SNTB2: variants seen among roughly 807,000 people sequenced by gnomAD.
The protein encoded by SNTB2 is syntrophin beta 2.
A neutral mutation model predicts 46.2 loss-of-function variants in SNTB2; 34 were observed. The observed-to-expected ratio is 0.74, with a 90% CI of 0.56 to 0.98. The LOEUF is 0.98. Ranked by LOEUF, SNTB2 falls within the 50% of genes least tolerant of loss-of-function variation. The pLI, the probability that SNTB2 is intolerant of heterozygous loss-of-function variation, is 0.00. For missense variants in SNTB2, 603 were observed against 731.4 expected (o/e 0.82, Z 2.02); for synonymous variants, 290 against 312.6 (o/e 0.93, Z 0.76).
Position 69,301,014 on chromosome 16 carries a change from C to T in SNTB2, c.*90C>T. 2 of 802,488 alleles carry T rather than the reference C, an allele frequency of 2.5e-6. No individual in the cohort carries two copies. The highest frequency in any genetic ancestry group is 4.1e-6 in the Non-Finnish European group (2 of 485,290). 49.7% of individuals were successfully genotyped at this position (802,488 alleles called of 1,614,324 possible). ...AGCACAAAAAGAAACTCTTTGCTCT[C>T]CTTCAGCACAGTGCCTTCCCAAGGA... On this transcript the variant is annotated 3_prime_UTR_variant, in exon 7 of 7. Coordinates refer to ENST00000336278, the MANE Select transcript of SNTB2 (RefSeq NM_006750.4).
intron 1 of SNTB2, chr16:69,235,922 T>G: frequency 8.6e-7 from 1 of 1,163,586 alleles, no homozygotes; most frequent in South Asian, 1.4e-5. Flanking sequence ...GAATTACTGG[T>G]TTATCTGTGC....
intron 3 of SNTB2, among the ~76,000 whole-genome samples, chr16:69,269,599 C>G (rs1179413796): frequency 2.6e-5 from 4 of 152,122 alleles, no homozygotes; most frequent in East Asian, 3.9e-4. Context: ...ATTCAACTAT[C>G]TATGTATGTA....
At chr16:69,273,791 TTATAC>T (rs1407377623) in intron 4 of SNTB2, among the ~76,000 whole-genome samples, 2 of 152,168 alleles carry the variant, frequency 1.3e-5, no homozygotes, top group African/African-American at 4.8e-5. Flanking sequence ...AAACTGAATG[TTATAC>T]TAAGTAAGCG....
chr16:69,257,833 T>A (rs77237877), intron 2 of SNTB2, among the ~76,000 whole-genome samples: 2,979 of 152,328 alleles, frequency 0.02, 26 homozygotes, highest in Non-Finnish European at 0.026. Flanking sequence ...AAAAGATGGA[T>A]AGACTGGTAG....
At position 69,270,574 on chromosome 16, in the gene SNTB2, T is replaced by G. The variant is rs189508722; in HGVS notation, c.1148+289T>G. On this transcript the variant is annotated intron_variant, in intron 4 of 6. Coordinates refer to ENST00000336278, the MANE Select transcript of SNTB2 (RefSeq NM_006750.4). The stretch of plus-strand genomic sequence containing the variant: ...TTGCTTAGTCATGAAGATTATAGGG[T>G]TTTTTTTTCTTTATTTTATTGACTG... Among the ~76,000 whole-genome samples, 87 of 151,408 alleles carry G rather than the reference T, an allele frequency of 5.7e-4. 1 individual carries two copies. The highest frequency in any genetic ancestry group is 1.8e-3 in the African/African-American group (73 of 41,392).
intron 5 of SNTB2, among the ~76,000 whole-genome samples, chr16:69,297,225 T>C (rs1567417634): frequency 6.8e-6 from 1 of 146,946 alleles, no homozygotes; most frequent in Non-Finnish European, 1.5e-5. Context: ...GAGAATTGCT[T>C]GAACCCGGGA....
Position 69,198,389 on chromosome 16 carries a change from G to A in SNTB2, c.580+10643G>A, listed in dbSNP as rs541199287. On this transcript the variant is annotated intron_variant, in intron 1 of 6. Transcript: ENST00000336278. ...CTCCCAAAGTGCTGGGATTACAGAT[G>A]TGAGTCCTCATGCCTGGCCTATTTT... 1.1e-4 allele frequency among the ~76,000 whole-genome samples: 16 copies of A among 152,294 alleles called. No homozygotes were observed. In the East Asian group the frequency reaches 3.1e-3, roughly 29 times the overall value.
Position 69,303,724 on chromosome 16 carries a change from C to T in SNTB2, c.*2800C>T, listed in dbSNP as rs1001949471. On this transcript the variant is annotated 3_prime_UTR_variant, in exon 7 of 7. Transcript: ENST00000336278. ...CAAATGTGTTTGTGGGATTTTCAGT[C>T]CGCAAATGAAGTGCTCTCTAATGAA... 1 of 152,570 alleles carries T rather than the reference C, an allele frequency of 6.6e-6. No individual in the cohort carries two copies. Among genetic ancestry groups the T allele is most frequent in the Non-Finnish European group, 1.5e-5 (1 of 68,050 alleles). The allele number at this position is 152,570 out of a possible 1,614,324, so 9.5% of individuals were successfully genotyped here. A position where few individuals can be genotyped will look rare whatever the true frequency, so the allele number is the denominator to read the frequency against.
chr16:69,296,338 A>C (rs1165265751), intron 5 of SNTB2, among the ~76,000 whole-genome samples: 1 of 152,130 alleles, frequency 6.6e-6, no homozygotes, highest in East Asian at 1.9e-4. Context: ...AAATACATTA[A>C]GTTTGACACA....
rs541312639 is a variant in SNTB2, at chr16:69,259,627, G to A, written c.795-423G>A. On this transcript the variant is annotated intron_variant, in intron 2 of 6. Transcript: ENST00000336278. ...CTTTTTTTTTTTTTTTTTTTGAGAC[G>A]GAATCTCGCTCTGTCGCCCAGGCTG... is the stretch of plus-strand genomic sequence containing the variant. Among the ~76,000 whole-genome samples, 23 of 137,300 alleles carry A rather than the reference G, an allele frequency of 1.7e-4. 1 individual carries two copies. In the South Asian group the frequency reaches 4.7e-3, roughly 28 times the overall value. 90.1% of individuals were successfully genotyped at this position (137,300 alleles called of 152,430 possible). A position where few individuals can be genotyped will look rare whatever the true frequency, so the allele number is the denominator to read the frequency against.
chr16:69,202,810 A>G (rs1357381963), intron 1 of SNTB2, among the ~76,000 whole-genome samples: 1 of 151,970 alleles, frequency 6.6e-6, no homozygotes, highest in African/African-American at 2.4e-5. Flanking sequence ...TCCTGGCCTC[A>G]AGTGATCTGC....
chr16:69,264,949 G>A (rs1172892233), intron 3 of SNTB2, among the ~76,000 whole-genome samples: 5 of 152,222 alleles, frequency 3.3e-5, no homozygotes, highest in African/African-American at 9.6e-5. Flanking sequence ...AAGTGATTAC[G>A]ATTAAAATTA....
At chr16:69,193,110 G>A (rs1228845018) in intron 1 of SNTB2, among the ~76,000 whole-genome samples, 1 of 151,938 alleles carries the variant, frequency 6.6e-6, no homozygotes, top group Non-Finnish European at 1.5e-5. Context: ...GTTACACCTA[G>A]GCAGGTGTGG....
chr16:69,278,757 A>G (rs1369564761), intron 4 of SNTB2, among the ~76,000 whole-genome samples: 2 of 152,194 alleles, frequency 1.3e-5, no homozygotes, highest in Non-Finnish European at 1.5e-5. Context: ...CACCCAGCCA[A>G]TATTGCAGTC....
At chr16:69,236,663 T>A (rs142972124) in intron 1 of SNTB2, among the ~76,000 whole-genome samples, 5 of 151,318 alleles carry the variant, frequency 3.3e-5, no homozygotes, top group Admixed American at 3.3e-4. Context: ...GTTGTGTATA[T>A]TTTACAATTA....
chr16:69,232,666 C>G (rs532284323), intron 1 of SNTB2, among the ~76,000 whole-genome samples: 23 of 151,442 alleles, frequency 1.5e-4, no homozygotes, highest in African/African-American at 5.6e-4. Context: ...CGTGCGCCAA[C>G]ACACCCAGCT....
Position 69,308,327 on chromosome 16 carries a change from G to C in SNTB2, c.*7403G>C, listed in dbSNP as rs1965330584. 1 of 152,574 alleles carries C rather than the reference G, an allele frequency of 6.6e-6. No homozygotes were observed. Among genetic ancestry groups the C allele is most frequent in the South Asian group, 2.1e-4 (1 of 4,818 alleles). 9.5% of individuals were successfully genotyped at this position (152,574 alleles called of 1,614,324 possible). A position where few individuals can be genotyped will look rare whatever the true frequency, so the allele number is the denominator to read the frequency against. ...GATTTGTGAATTAATAGAATTGGGG[G>C]GAGAGGAAATGATGATGTCAATTAA... On this transcript the variant is annotated 3_prime_UTR_variant, in exon 7 of 7. Coordinates refer to ENST00000336278, the MANE Select transcript of SNTB2 (RefSeq NM_006750.4).
intron 1 of SNTB2, among the ~76,000 whole-genome samples, chr16:69,200,186 C>T (rs1004502082): frequency 4.6e-5 from 7 of 152,122 alleles, no homozygotes; most frequent in African/African-American, 1.7e-4. Context: ...AGGAGGGGGA[C>T]ATTTTTAACA....
intron 1 of SNTB2, among the ~76,000 whole-genome samples, chr16:69,214,040 G>C (rs936116446): frequency 3.3e-5 from 5 of 150,112 alleles, no homozygotes; most frequent in Non-Finnish European, 7.4e-5. Context: ...GGCCAGGCTG[G>C]TCTTGAACTC....
Sources: allele counts gnomAD v4.1 joint callset (sites outside exome capture counted in the v4.1 genomes callset), GRCh38; gene constraint gnomAD v4.1.1; transcripts MANE v1.5; gene names NCBI Gene and HGNC (gene_info 2026-07-23, HGNC 2026-07-21).